Variants in YIPF6 observed in about 807,000 individuals in gnomAD.
The protein encoded by YIPF6 is protein YIPF6.
YIPF6 carries 3 observed loss-of-function variants against 16.8 expected under a neutral mutation model. The ratio of observed to expected loss-of-function variants is 0.18; its 90% CI spans 0.08 to 0.46. The LOEUF (loss-of-function observed/expected upper bound fraction) is 0.46, where lower values mean the gene tolerates loss of function less well. Among genes scored for constraint, YIPF6 ranks in the 20% least tolerant of loss-of-function variants. The pLI, the probability that YIPF6 is intolerant of heterozygous loss-of-function variation, is 0.98. For missense variants in YIPF6, 145 were observed against 184.9 expected (o/e 0.78, Z 1.25); for synonymous variants, 67 against 61.9 (o/e 1.08, Z -0.38).
At chrX:68,528,441 C>T (rs1184179842) in intron 6 of YIPF6, among the ~76,000 whole-genome samples, 1 of 111,612 alleles carries the variant, frequency 9.0e-6, no homozygotes, top group Non-Finnish European at 1.9e-5. Flanking sequence ...ATCCAATTTG[C>T]CAGTCTGTGT....
intron 6 of YIPF6, among the ~76,000 whole-genome samples, 189 bp downstream of exon 6, chrX:68,523,106 T>C (rs1327736870): frequency 2.8e-5 from 3 of 108,148 alleles, no homozygotes; most frequent in African/African-American, 1.0e-4. Flanking sequence ...TCTGGACTTA[T>C]AAGATGTGGA....
chrX:68,528,845 C>G (rs1333561504), intron 6 of YIPF6, among the ~76,000 whole-genome samples: 2 of 111,994 alleles, frequency 1.8e-5, no homozygotes. Context: ...GCCGAGAGAT[C>G]AGCTGTTAGT....
chrX:68,520,307 A>G (rs1018291659), intron 4 of YIPF6, among the ~76,000 whole-genome samples: 2 of 112,443 alleles, frequency 1.8e-5, no homozygotes, highest in Admixed American at 1.9e-4. Flanking sequence ...CCAAGTCCAA[A>G]TATTCAAAAC....
chrX:68,529,568 A>C (rs2079162975), intron 6 of YIPF6, among the ~76,000 whole-genome samples: 1 of 109,975 alleles, frequency 9.1e-6, no homozygotes, highest in African/African-American at 3.3e-5. Flanking sequence ...GGTTTTTGGA[A>C]TTTTCGGCCT....
At chrX:68,504,929 T>C (rs1005165030) in intron 1 of YIPF6, among the ~76,000 whole-genome samples, 8 of 111,893 alleles carry the variant, frequency 7.1e-5, no homozygotes, top group Non-Finnish European at 1.5e-4. Flanking sequence ...TGCTGTGCAG[T>C]GTTATTTATC....
chrX:68,515,292 G>T (rs1169200485), intron 3 of YIPF6: 1 of 104,666 alleles, frequency 9.6e-6, no homozygotes, highest in Non-Finnish European at 2.0e-5. Flanking sequence ...CGCCACTGCA[G>T]TCCAGCTTGG....
At chrX:68,504,865 C>A (rs2079053937) in intron 1 of YIPF6, among the ~76,000 whole-genome samples, 1 of 112,185 alleles carries the variant, frequency 8.9e-6, no homozygotes, top group Admixed American at 9.5e-5. Flanking sequence ...ATTTGGCCTG[C>A]ACTCTTAACC....
At chrX:68,517,925 C>T (rs751461709) in intron 3 of YIPF6, among the ~76,000 whole-genome samples, 3 of 103,990 alleles carry the variant, frequency 2.9e-5, no homozygotes, top group African/African-American at 1.1e-4. Context: ...ATGATCGCAC[C>T]ACTGCACTCT....
chrX:68,531,415 G>A (rs1193754625), intron 6 of YIPF6, among the ~76,000 whole-genome samples: 1 of 112,009 alleles, frequency 8.9e-6, no homozygotes, highest in Non-Finnish European at 1.9e-5. Flanking sequence ...ATGAGCCACT[G>A]TGCCTGGTCA....
intron 1 of YIPF6, among the ~76,000 whole-genome samples, chrX:68,510,484 T>A (rs184222276): frequency 8.2e-5 from 9 of 109,817 alleles, no homozygotes; most frequent in Admixed American, 4.9e-4. Flanking sequence ...AAGAAACCTT[T>A]AAAAAAAAAT....
At chrX:68,511,032 C>T (rs1447448064) in intron 1 of YIPF6, among the ~76,000 whole-genome samples, 1 of 112,966 alleles carries the variant, frequency 8.9e-6, no homozygotes, top group Non-Finnish European at 1.9e-5. Context: ...ATTGTGCCTA[C>T]TGGGCCAAAA....
chrX:68,500,129 A>G (rs1461998532), intron 1 of YIPF6, among the ~76,000 whole-genome samples: 1 of 112,045 alleles, frequency 8.9e-6, no homozygotes, highest in Non-Finnish European at 1.9e-5. Context: ...AAATGGAGAT[A>G]AAAATACCTG....
In YIPF6 at chrX:68,518,807, C is replaced by A; in HGVS notation, c.303C>A (p.Leu101=). 8.5e-7 allele frequency: 1 copy of A among 1,178,218 alleles called. No individual in the cohort carries two copies. The highest frequency in any genetic ancestry group is 1.1e-6 in the Non-Finnish European group (1 of 882,987). Residue 101 remains leucine, a synonymous_variant, in exon 4 of 7, where the codon CTC becomes CTA. Coordinates refer to ENST00000462683, the MANE Select transcript of YIPF6 (RefSeq NM_173834.4). ...GCCCTTTGATCCTTTGTGTGACACT[C>A]GCATTGTAAGTACTTGCATTTTCTT... is the stretch of plus-strand genomic sequence containing the variant. ...LWGPLILCVT[L]ALMLQRDSAD...
intron 6 of YIPF6, among the ~76,000 whole-genome samples, chrX:68,523,631 A>G (rs1415831800): frequency 8.9e-6 from 1 of 112,455 alleles, no homozygotes; most frequent in Admixed American, 9.5e-5. Flanking sequence ...TTATATTCCT[A>G]AAGTTCTCTT....
At chrX:68,512,711 A>T (rs778081108) in intron 2 of YIPF6, among the ~76,000 whole-genome samples, 365 of 111,571 alleles carry the variant, frequency 3.3e-3, no homozygotes, top group African/African-American at 0.012. Context: ...ATTATAAATT[A>T]TGTTTACAAA....
chrX:68,525,501 TG>T (rs1404340554), intron 6 of YIPF6, among the ~76,000 whole-genome samples: 1 of 112,245 alleles, frequency 8.9e-6, no homozygotes, highest in Non-Finnish European at 1.9e-5. Flanking sequence ...AGATCCCATT[TG>T]TCAGTTTTGG....
chrX:68,532,873 T>C lies in YIPF6; in HGVS notation c.*874T>C, dbSNP rs2147829052. 1 of 112,442 alleles carries C rather than the reference T, an allele frequency of 8.9e-6. No individual in the cohort carries two copies. Among genetic ancestry groups the C allele is most frequent in the African/African-American group, 3.2e-5 (1 of 31,044 alleles). The allele number at this position is 112,442 out of a possible 1,213,427, so 9.3% of individuals were successfully genotyped here. ...TAGTGCATATTATCATGTGGGCACC[T>C]TCTCTTAGGGTGGAATGAGGCAGTC... is the stretch of plus-strand genomic sequence containing the variant. On this transcript the variant is annotated 3_prime_UTR_variant, in exon 7 of 7. Coordinates refer to ENST00000462683, the MANE Select transcript of YIPF6 (RefSeq NM_173834.4).
At position 68,522,789 on chromosome X, in the gene YIPF6, G is replaced by A. The variant is rs1160504800; in HGVS notation, c.464G>A (p.Gly155Asp). Residue 155 changes from glycine to aspartate, a missense_variant, in exon 6 of 7, where the codon GGT becomes GAT. Gly to Asp is a moderately conservative substitution (Grantham distance 94). Transcript: ENST00000462683. ...ISFFQSLCVL[G>D]YCILPLTVAM... ...TTTTTTCAGAGCCTCTGTGTGCTGG[G>A]TTACTGTATACTTCCCTTGACAGTA... is the stretch of plus-strand genomic sequence containing the variant. 1 of 1,208,224 alleles carries A rather than the reference G, an allele frequency of 8.3e-7. No individual in the cohort carries two copies. The highest frequency in any genetic ancestry group is 1.7e-5 in the African/African-American group (1 of 57,456).
intron 6 of YIPF6, among the ~76,000 whole-genome samples, chrX:68,526,640 TACGTTCC>T (rs1056073698): frequency 8.9e-6 from 1 of 111,811 alleles, no homozygotes; most frequent in African/African-American, 3.3e-5. Flanking sequence ...TATTTTGAGA[TACGTTCC>T]ATCAATACCT....
Sources: allele counts gnomAD v4.1 joint callset (sites outside exome capture counted in the v4.1 genomes callset), GRCh38; gene constraint gnomAD v4.1.1; transcripts MANE v1.5; gene names NCBI Gene and HGNC (gene_info 2026-07-23, HGNC 2026-07-21).